RIN3: variants seen among roughly 807,000 people sequenced by gnomAD.
The protein encoded by RIN3 is RAB5 interacting protein 3.
A neutral mutation model predicts 76.3 loss-of-function variants in RIN3; 54 were observed. That is an observed-to-expected ratio of 0.71 (90% confidence interval 0.57 to 0.89). The LOEUF (loss-of-function observed/expected upper bound fraction) is 0.89. Ranked by LOEUF, RIN3 falls within the 40% of genes least tolerant of loss-of-function variation. The pLI, the probability that RIN3 is intolerant of heterozygous loss-of-function variation, is 0.00. For synonymous variants in RIN3, 576 were observed against 564.0 expected (o/e 1.02, Z -0.30); for missense variants, 1,256 against 1,322.1 (o/e 0.95, Z 0.78).
intron 3 of RIN3, among the ~76,000 whole-genome samples, chr14:92,606,229 G>A (rs1047102819): frequency 6.6e-6 from 1 of 151,454 alleles, no homozygotes; most frequent in Non-Finnish European, 1.5e-5. Flanking sequence ...GACAAAAAAT[G>A]TGCATCTAGA....
chr14:92,640,205 GCTGC>G (rs1429517607), intron 4 of RIN3, among the ~76,000 whole-genome samples: 1 of 104,078 alleles, frequency 9.6e-6, no homozygotes, highest in Non-Finnish European at 2.2e-5. Context: ...TTCATCGGGG[GCTGC>G]CTGACTGTGC....
chr14:92,665,571 TG>T (rs1888062140), intron 7 of RIN3, among the ~76,000 whole-genome samples: 2 of 151,702 alleles, frequency 1.3e-5, no homozygotes, highest in South Asian at 2.1e-4. Flanking sequence ...TTAGTAGAGA[TG>T]GGGTTTCACC....
intron 3 of RIN3, among the ~76,000 whole-genome samples, chr14:92,599,117 G>A (rs1037275690): frequency 2.0e-5 from 3 of 152,172 alleles, no homozygotes; most frequent in African/African-American, 7.2e-5. Flanking sequence ...GGAGCCACTC[G>A]CAGGGCAATG....
At chr14:92,615,358 C>T in intron 3 of RIN3, 49 bp from the exon 4 acceptor site, 2 of 1,530,578 alleles carry the variant, frequency 1.3e-6, no homozygotes, top group Non-Finnish European at 1.8e-6. Context: ...CCCCCATTTT[C>T]CTTGGCAGGA....
At chr14:92,657,477 G>C (rs1421543369) in intron 6 of RIN3, among the ~76,000 whole-genome samples, 1 of 152,222 alleles carries the variant, frequency 6.6e-6, no homozygotes, top group African/African-American at 2.4e-5. Context: ...CTGACGTGAG[G>C]CTGCTGAGGG....
rs368886227 is a variant in RIN3 at position 92,685,095 on chromosome 14, G to A, written c.2576G>A (p.Arg859His). Reference sequence around the variant, plus strand: ...GTGGAGGTGCAGGACTCCATCCACCGCTGGGAGCGCCGGCGTACTCTCAAC... The same window carrying A: ...GTGGAGGTGCAGGACTCCATCCACCACTGGGAGCGCCGGCGTACTCTCAAC... Reference protein sequence around the residue: ...LSVEVQDSIHRWERRRTLNKA... With the variant: ...LSVEVQDSIHHWERRRTLNKA... The change falls in exon 9 of 10, where the codon CGC becomes CAC. Residue 859 changes from arginine (R) to histidine (H), a missense_variant. Transcript: ENST00000216487. This position sits in a 1 kb window ranked among gnomAD's most constrained non-coding sequence, Gnocchi z 4.7. 3.3e-5 allele frequency: 54 copies of A among 1,613,558 alleles called. No individual in the cohort carries two copies. The highest frequency in any genetic ancestry group is 4.4e-5 in the Non-Finnish European group (52 of 1,179,896).
chr14:92,607,426 T>A (rs1339168173), intron 3 of RIN3, among the ~76,000 whole-genome samples: 1 of 152,194 alleles, frequency 6.6e-6, no homozygotes, highest in African/African-American at 2.4e-5. Context: ...GGAGGATTGC[T>A]TAAGGCTAGG....
At position 92,615,409 on chromosome 14, in the gene RIN3, T is replaced by A; in HGVS notation, c.370T>A (p.Leu124Met). The A allele has an allele frequency of 6.2e-7, 1 of 1,613,942 alleles. No homozygotes were observed. The highest frequency in any genetic ancestry group is 1.3e-5 in the African/African-American group (1 of 75,036). ...GGGCCCTTCTTGTGTCTCCCCAGTA[T>A]TGTACCTGGAAGGCTCGGCTCTTGT... ...EYTIKEEKSI[L>M]YLEGSALVFE... The change falls in exon 4 of 10, where the codon TTG (leucine) becomes ATG (methionine). Residue 124 changes from leucine (L) to methionine (M), a missense_variant and splice_region_variant. Around this residue, in one of 3 missense-constraint regions of RIN3, gnomAD observed 610 missense variants for 626.4 expected, o/e 0.97. Transcript: ENST00000216487.
chr14:92,637,044 C>T (rs1444864159), intron 4 of RIN3, among the ~76,000 whole-genome samples: 2 of 152,106 alleles, frequency 1.3e-5, no homozygotes, highest in East Asian at 1.9e-4. Context: ...GGACCACTTT[C>T]GTGGAAGACA....
At chr14:92,645,697 T>C (rs1005610414) in intron 5 of RIN3, among the ~76,000 whole-genome samples, 5 of 152,238 alleles carry the variant, frequency 3.3e-5, no homozygotes, top group African/African-American at 1.2e-4. Context: ...GGCTCACGCC[T>C]GTAATCCCAG....
intron 1 of RIN3, among the ~76,000 whole-genome samples, chr14:92,522,621 T>TC (rs993487206): frequency 2.8e-4 from 42 of 152,148 alleles, no homozygotes; most frequent in African/African-American, 9.9e-4. Flanking sequence ...TCTTTCCAAG[T>TC]CCCCTCTGTT....
At chr14:92,653,197 C>T (rs1450416775) in intron 6 of RIN3, 122 bp downstream of exon 6, 2 of 1,072,512 alleles carry the variant, frequency 1.9e-6, no homozygotes, top group African/African-American at 1.6e-5. Flanking sequence ...CCTATCCCTT[C>T]CTGGGCACCA....
chr14:92,588,814 A>C (rs1322797272), intron 3 of RIN3, among the ~76,000 whole-genome samples: 1 of 152,186 alleles, frequency 6.6e-6, no homozygotes, highest in African/African-American at 2.4e-5. Context: ...CCATACTAGT[A>C]CTAGCACGTG....
At chr14:92,593,548 G>A (rs932473252) in intron 3 of RIN3, among the ~76,000 whole-genome samples, 4 of 152,050 alleles carry the variant, frequency 2.6e-5, no homozygotes, top group Non-Finnish European at 5.9e-5. Context: ...TTGTGGGGTG[G>A]GGGGAAGGGG....
Position 92,652,261 on chromosome 14 carries a change from GGCGGCAGAGGGGGACCAGCTCA to G in RIN3, c.1215_1236del (p.Ala406CysfsTer26). On this transcript the variant is annotated frameshift_variant, in exon 6 of 10. Transcript: ENST00000216487. LOFTEE classifies it high-confidence loss of function. This position sits in a 1 kb window ranked among gnomAD's most constrained non-coding sequence, Gnocchi z 6.4. ...CCTTAGAAGACCAAAGTCCGGGGAT[GGCGGCAGAGGGGGACCAGCTCA>G]GCCTGCCTCCCCAAGGGACCTCAGA... 6.2e-7 allele frequency: 1 copy of G among 1,611,312 alleles called. No individual in the cohort carries two copies. The highest frequency in any genetic ancestry group is 8.5e-7 in the Non-Finnish European group (1 of 1,178,208).
At chr14:92,542,094 A>G (rs1897143096) in intron 1 of RIN3, among the ~76,000 whole-genome samples, 1 of 152,166 alleles carries the variant, frequency 6.6e-6, no homozygotes, top group Non-Finnish European at 1.5e-5. Context: ...GGAGTTTGAG[A>G]CCAGCCTGGG....
intron 1 of RIN3, among the ~76,000 whole-genome samples, chr14:92,551,997 G>A (rs1897440853): frequency 6.6e-6 from 1 of 152,226 alleles, no homozygotes; most frequent in South Asian, 2.1e-4. Flanking sequence ...AGGTGCAGGT[G>A]GACAGAGCAG....
intron 1 of RIN3, among the ~76,000 whole-genome samples, chr14:92,541,923 A>G (rs1356209206): frequency 6.6e-6 from 1 of 152,260 alleles, no homozygotes; most frequent in Admixed American, 6.5e-5. Context: ...AAAAATTTAC[A>G]ACTCAGTAAT....
intron 2 of RIN3, among the ~76,000 whole-genome samples, chr14:92,562,310 G>A (rs547470600): frequency 6.6e-6 from 1 of 152,158 alleles, no homozygotes; most frequent in Non-Finnish European, 1.5e-5. Context: ...CTGGGGTTGT[G>A]TTCTTAGGGT....
Sources: allele counts gnomAD v4.1 joint callset (sites outside exome capture counted in the v4.1 genomes callset), GRCh38; gene constraint gnomAD v4.1.1; regional missense constraint gnomAD v4.1.1; non-coding constraint Gnocchi (gnomAD v3.1); transcripts MANE v1.5; gene names NCBI Gene and HGNC (gene_info 2026-07-23, HGNC 2026-07-21).